Variants in PLEKHH2 observed in about 807,000 individuals in gnomAD.
The protein encoded by PLEKHH2 is pleckstrin homology domain-containing family H member 2.
Under a neutral mutation model 187.9 loss-of-function variants are expected in PLEKHH2, and 129 were observed. The ratio of observed to expected loss-of-function variants is 0.69; its 90% CI spans 0.59 to 0.79. PLEKHH2 has a LOEUF of 0.79. Ranked by LOEUF, PLEKHH2 falls within the 30% of genes least tolerant of loss-of-function variation. PLEKHH2 has a pLI of 0.00. For synonymous variants in PLEKHH2, 686 were observed against 605.6 expected, an observed-to-expected ratio of 1.13 and a Z score of -1.95; for missense variants, 2,076 against 1,751.2, an observed-to-expected ratio of 1.19 and a Z score of -3.31.
At position 43,676,126 on chromosome 2, in the gene PLEKHH2, T is replaced by G. The variant is rs777077837; in HGVS notation, c.124-2737T>G. 2.5e-6 allele frequency: 4 copies of G among 1,614,028 alleles called. No individual in the cohort carries two copies. In the Admixed American group the frequency reaches 6.7e-5, roughly 27 times the overall value. On this transcript the variant is annotated intron_variant, in intron 2 of 29. Transcript: ENST00000282406. The stretch of plus-strand genomic sequence containing the variant: ...GATGATACAGAAAACACGAATACTT[T>G]TACTGAGCTCCAAGAGTATCACTTT...
At chr2:43,702,058 C>A (rs938221309) in intron 8 of PLEKHH2, among the ~76,000 whole-genome samples, 3 of 152,186 alleles carry the variant, frequency 2.0e-5, no homozygotes, top group African/African-American at 7.2e-5. Flanking sequence ...CGTGTCACGC[C>A]ACTGCACCTG....
intron 14 of PLEKHH2, chr2:43,711,555 C>G (rs1669965969): frequency 3.1e-6 from 3 of 971,812 alleles, no homozygotes; most frequent in Non-Finnish European, 3.7e-6. Flanking sequence ...TAAAACTATG[C>G]TATTTTATTA....
chr2:43,754,197 C>G lies in PLEKHH2; in HGVS notation c.3795+437C>G, dbSNP rs762046444. Among the ~76,000 whole-genome samples, 11 of 125,160 alleles carry G rather than the reference C, an allele frequency of 8.8e-5. 1 individual carries two copies. The East Asian group carries it at 1.4e-3, about 16-fold the overall frequency. The allele number at this position is 125,160 out of a possible 152,430, so 82.1% of individuals were successfully genotyped here. On this transcript the variant is annotated intron_variant, in intron 25 of 29. Transcript: ENST00000282406. Reference sequence around the variant, plus strand: ...ACACACACACACACACACACACACACACACACACAAAATTAATACTGACTT... The same window carrying G: ...ACACACACACACACACACACACACAGACACACACAAAATTAATACTGACTT...
At chr2:43,752,181 C>A (rs1013266221) in intron 24 of PLEKHH2, among the ~76,000 whole-genome samples, 2 of 152,072 alleles carry the variant, frequency 1.3e-5, no homozygotes, top group African/African-American at 4.8e-5. Context: ...GTAAGCATGC[C>A]AAAAAGAAAG....
chr2:43,682,527 G>A (rs146812426), intron 3 of PLEKHH2, among the ~76,000 whole-genome samples: 2,305 of 152,080 alleles, frequency 0.015, 25 homozygotes, highest in South Asian at 0.022. Flanking sequence ...GGCTGGTCTC[G>A]AACTCCTGAC....
chr2:43,677,615 G>T (rs1031999270), intron 2 of PLEKHH2, among the ~76,000 whole-genome samples: 17 of 151,710 alleles, frequency 1.1e-4, no homozygotes, highest in Non-Finnish European at 2.2e-4. Context: ...CACAGACACG[G>T]CAACCATCCG....
At chr2:43,701,066 C>T (rs1234685716) in intron 8 of PLEKHH2, among the ~76,000 whole-genome samples, 2 of 152,172 alleles carry the variant, frequency 1.3e-5, no homozygotes, top group South Asian at 2.1e-4. Context: ...AATGACAAGA[C>T]AGATGGGAGA....
At chr2:43,677,132 A>T (rs1667851810) in intron 2 of PLEKHH2, among the ~76,000 whole-genome samples, 1 of 152,122 alleles carries the variant, frequency 6.6e-6, no homozygotes, top group Non-Finnish European at 1.5e-5. Context: ...AGAGCCTTTA[A>T]TGTGCTAACT....
chr2:43,675,560 C>A (rs1326764104), intron 2 of PLEKHH2: 5 of 1,613,774 alleles, frequency 3.1e-6, no homozygotes, highest in South Asian at 1.1e-5. Context: ...TTAGACAATG[C>A]CTCTTCAATA....
At chr2:43,762,524 A>G in intron 28 of PLEKHH2, 134 bp downstream of exon 28, 1 of 604,912 alleles carries the variant, frequency 1.7e-6, no homozygotes. Context: ...CTATGTCATG[A>G]ACAGTCATTT....
At chr2:43,699,207 GT>G (rs35567627) in intron 7 of PLEKHH2, among the ~76,000 whole-genome samples, 88,823 of 150,322 alleles carry the variant, frequency 0.59, 27,467 homozygotes, top group African/African-American at 0.77. Context: ...TAGACTCTCA[GT>G]TTTTTTTTTC....
intron 2 of PLEKHH2, 121 bp downstream of exon 2, chr2:43,644,917 T>C (rs1225469966): frequency 1.8e-6 from 2 of 1,114,562 alleles, no homozygotes; most frequent in South Asian, 2.0e-5. Context: ...TTTGAAGCTA[T>C]ATTTGGCATA....
At chr2:43,721,841 C>T (rs1001639881) in intron 16 of PLEKHH2, among the ~76,000 whole-genome samples, 1 of 151,832 alleles carries the variant, frequency 6.6e-6, no homozygotes, top group African/African-American at 2.4e-5. Context: ...AGCTGTGATT[C>T]GCACCATTGC....
intron 16 of PLEKHH2, among the ~76,000 whole-genome samples, chr2:43,722,866 T>G (rs528312067): frequency 5.3e-5 from 8 of 152,326 alleles, no homozygotes; most frequent in African/African-American, 1.9e-4. Context: ...AATGGATACA[T>G]AAACAGAAAT....
chr2:43,735,242 T>C lies in PLEKHH2; in HGVS notation c.2944-3099T>C, dbSNP rs368211457. Reference sequence around the variant, plus strand: ...TACACAATGGAATATTATTCAGCCATTACGAAAAACAAAGCCCTGTCATTT... The same window carrying C: ...TACACAATGGAATATTATTCAGCCACTACGAAAAACAAAGCCCTGTCATTT... On this transcript the variant is annotated intron_variant, in intron 19 of 29. Transcript: ENST00000282406. Among the ~76,000 whole-genome samples the C allele has an allele frequency of 5.9e-5, 9 of 152,160 alleles. 1 individual carries two copies. Among genetic ancestry groups the C allele is most frequent in the Admixed American group, 4.6e-4 (7 of 15,270 alleles).
chr2:43,733,625 A>G (rs529106288), intron 19 of PLEKHH2, among the ~76,000 whole-genome samples: 1 of 152,288 alleles, frequency 6.6e-6, no homozygotes, highest in African/African-American at 2.4e-5. Flanking sequence ...ATGGATGGCT[A>G]TAGAAAAAAT....
At chr2:43,676,871 A>C (rs1667826933) in intron 2 of PLEKHH2, among the ~76,000 whole-genome samples, 1 of 152,194 alleles carries the variant, frequency 6.6e-6, no homozygotes, top group Non-Finnish European at 1.5e-5. Context: ...CCTAGCACCC[A>C]CGGAGTTCAT....
At chr2:43,657,166 G>T (rs1666816338) in intron 2 of PLEKHH2, among the ~76,000 whole-genome samples, 1 of 152,158 alleles carries the variant, frequency 6.6e-6, no homozygotes, top group Non-Finnish European at 1.5e-5. Context: ...CATTCAGTTG[G>T]CAAATCAGCT....
At chr2:43,641,694 A>T (rs754566268) in intron 1 of PLEKHH2, among the ~76,000 whole-genome samples, 19 of 152,312 alleles carry the variant, frequency 1.2e-4, no homozygotes, top group Non-Finnish European at 2.2e-4. Flanking sequence ...ATGGGTCCAC[A>T]TTCATTCTTT....
Sources: gnomAD v4.1 joint callset for allele counts (sites outside exome capture counted in the v4.1 genomes callset) on GRCh38, gnomAD v4.1.1 for gene constraint, MANE v1.5 for transcripts, NCBI Gene and HGNC (gene_info 2026-07-23, HGNC 2026-07-21) for gene names.